Variants in SRFBP1 observed in about 807,000 individuals in gnomAD.
SRFBP1 encodes serum response factor-binding protein 1.
A neutral mutation model predicts 45.5 loss-of-function variants in SRFBP1; 47 were observed. The observed-to-expected ratio is 1.03, with a 90% confidence interval of 0.82 to 1.32. The LOEUF (loss-of-function observed/expected upper bound fraction) is 1.32, where lower values mean the gene tolerates loss of function less well. SRFBP1 is among the 40% of genes most tolerant of loss of function. The pLI is 0.00. For synonymous variants in SRFBP1, 203 were observed against 166.3 expected (o/e 1.22, Z -1.70); for missense variants, 621 against 484.6 (o/e 1.28, Z -2.64).
At chr5:122,067,021 G>A (rs1193201304) in intron 2 of SRFBP1, among the ~76,000 whole-genome samples, 1 of 152,072 alleles carries the variant, frequency 6.6e-6, no homozygotes, top group African/African-American at 2.4e-5. Context: ...AGTACAGCAG[G>A]ACTTCTGGGA....
rs116433425 is a variant in SRFBP1, at chr5:122,050,627, T to C, written n.312-24688T>C. ...GTCCTCTTTGTTGTTTCTAATTGTG[T>C]TTATTTGGATCTTTTTTGTTTATTA... On this transcript the variant is annotated intron_variant and non_coding_transcript_variant, in intron 2 of 2. Transcript: ENST00000504881. Among the ~76,000 whole-genome samples, 1,053 of 152,204 alleles carry C rather than the reference T, an allele frequency of 6.9e-3. 11 individuals carry two copies. Among genetic ancestry groups the C allele is most frequent in the African/African-American group, 0.023 (970 of 41,546 alleles).
At chr5:122,037,889 A>G (rs1243293470) in intron 2 of SRFBP1, among the ~76,000 whole-genome samples, 2 of 152,166 alleles carry the variant, frequency 1.3e-5, no homozygotes, top group Non-Finnish European at 2.9e-5. Context: ...TGCTTTATCA[A>G]ACCAATTAGT....
chr5:122,060,112 C>T (rs929209175), intron 2 of SRFBP1, among the ~76,000 whole-genome samples: 9 of 151,962 alleles, frequency 5.9e-5, no homozygotes, highest in African/African-American at 1.5e-4. Context: ...AATGAGCAGA[C>T]TAGTTAGATC....
chr5:121,972,376 C>T (rs937101194), intron 1 of SRFBP1, among the ~76,000 whole-genome samples: 2 of 151,754 alleles, frequency 1.3e-5, no homozygotes, highest in South Asian at 2.1e-4. Flanking sequence ...GAAAGGAGGA[C>T]GGAGACTAGA....
At chr5:122,022,305 TG>T (rs908610158) in intron 6 of SRFBP1, 64 bp from the exon 7 acceptor site, 25 of 1,395,514 alleles carry the variant, frequency 1.8e-5, no homozygotes, top group African/African-American at 7.2e-5. Context: ...AATTTTGTTA[TG>T]TTTTTTTCTT....
chr5:122,019,539 C>G (rs1451544814), intron 5 of SRFBP1, among the ~76,000 whole-genome samples, 198 bp downstream of exon 5: 6 of 151,382 alleles, frequency 4.0e-5, no homozygotes, highest in Admixed American at 1.3e-4. Context: ...TTAGTAAATT[C>G]TAATATGTGA....
At chr5:122,059,295 G>A (rs1482760458) in intron 2 of SRFBP1, among the ~76,000 whole-genome samples, 2 of 152,090 alleles carry the variant, frequency 1.3e-5, no homozygotes, top group Non-Finnish European at 2.9e-5. Flanking sequence ...TTATTTTCTT[G>A]AGGTTGGAGG....
At chr5:121,982,548 A>G (rs1752430921) in intron 3 of SRFBP1, among the ~76,000 whole-genome samples, 1 of 151,958 alleles carries the variant, frequency 6.6e-6, no homozygotes, top group Non-Finnish European at 1.5e-5. Context: ...CTAAATAAGA[A>G]CATATGTGAA....
intron 2 of SRFBP1, among the ~76,000 whole-genome samples, chr5:122,059,995 G>T (rs536659415): frequency 2.0e-4 from 31 of 152,166 alleles, no homozygotes; most frequent in Admixed American, 1.3e-3. Context: ...ACTCCAGTGT[G>T]ACATGTTGAA....
chr5:121,962,095 G>T (rs754368943), intron 1 of SRFBP1, 27 bp downstream of exon 1: 2 of 1,613,710 alleles, frequency 1.2e-6, no homozygotes, highest in Non-Finnish European at 1.7e-6. Flanking sequence ...CTATGGGGCT[G>T]ACTTTAAGGG....
chr5:122,046,937 T>C (rs1327304418), intron 2 of SRFBP1, among the ~76,000 whole-genome samples: 1 of 152,240 alleles, frequency 6.6e-6, no homozygotes, highest in African/African-American at 2.4e-5. Flanking sequence ...TTGTAGATTC[T>C]GGATATTAGC....
At chr5:121,998,409 G>A (rs1213613142) in intron 4 of SRFBP1, among the ~76,000 whole-genome samples, 6 of 143,422 alleles carry the variant, frequency 4.2e-5, no homozygotes, top group African/African-American at 1.3e-4. Flanking sequence ...GTAAACTATC[G>A]CAAGAACAAA....
chr5:122,047,532 T>C (rs1753886497), intron 2 of SRFBP1, among the ~76,000 whole-genome samples: 1 of 152,216 alleles, frequency 6.6e-6, no homozygotes, highest in Non-Finnish European at 1.5e-5. Flanking sequence ...CAATGCGGGC[T>C]CTTTTTTGGT....
intron 4 of SRFBP1, among the ~76,000 whole-genome samples, chr5:122,001,468 G>T (rs951806707): frequency 6.9e-6 from 1 of 145,206 alleles, no homozygotes; most frequent in Admixed American, 6.8e-5. Context: ...CACACTAAGT[G>T]TTGTATATTA....
chr5:122,042,644 T>A (rs1753789779), intron 2 of SRFBP1, among the ~76,000 whole-genome samples: 1 of 151,910 alleles, frequency 6.6e-6, no homozygotes, highest in African/African-American at 2.4e-5. Context: ...TTTTCTAGAT[T>A]AGTTAGTTAA....
At chr5:122,078,008 C>A (rs201930361), downstream of SRFBP1, 1 of 1,439,932 alleles carries the variant, frequency 6.9e-7, no homozygotes, top group Non-Finnish European at 9.1e-7. Context: ...CAGATTGACC[C>A]CGCTCGAGGA....
At chr5:122,057,544 C>G (rs1182570450) in intron 2 of SRFBP1, among the ~76,000 whole-genome samples, 1 of 151,308 alleles carries the variant, frequency 6.6e-6, no homozygotes, top group Non-Finnish European at 1.5e-5. Context: ...CCAGGCTGGT[C>G]TCAAACTCCT....
At chr5:121,989,352 C>T (rs938517066) in intron 3 of SRFBP1, among the ~76,000 whole-genome samples, 5 of 152,128 alleles carry the variant, frequency 3.3e-5, no homozygotes, top group Non-Finnish European at 7.4e-5. Flanking sequence ...AGGTGTGAGC[C>T]ACCGAGCCCT....
In SRFBP1 at chr5:121,975,315, G is replaced by A; in HGVS notation, c.126G>A (p.Lys42=). ...ACATATCGTAATGTATTTTTTGCAG[G>A]GGTACTGAAGATGCACTGTTAAAAA... ...VRSVGRLKSK[K]GTEDALLKNQ... is the part of the protein sequence containing the mutation. Residue 42 remains lysine, a splice_region_variant and synonymous_variant, in exon 3 of 8, where the codon AAG becomes AAA. Coordinates refer to ENST00000339397, the MANE Select transcript of SRFBP1 (RefSeq NM_152546.3). 6.2e-7 allele frequency: 1 copy of A among 1,612,792 alleles called. No individual in the cohort carries two copies.
Sources: gnomAD v4.1 joint callset for allele counts (sites outside exome capture counted in the v4.1 genomes callset) on GRCh38, gnomAD v4.1.1 for gene constraint, MANE v1.5 for transcripts, NCBI Gene and HGNC (gene_info 2026-07-23, HGNC 2026-07-21) for gene names.